Variants in PTPRD observed in about 807,000 individuals in gnomAD.
PTPRD encodes the protein protein tyrosine phosphatase receptor type D.
In PTPRD, 34 loss-of-function variants were observed where a neutral mutation model predicts 214.5. That is an observed-to-expected ratio of 0.16 (90% CI 0.12 to 0.21). PTPRD has a LOEUF of 0.21. PTPRD is among the 10% of genes least tolerant of loss of function. The pLI is 1.00. For synonymous variants in PTPRD, 1,128 were observed against 845.7 expected, an observed-to-expected ratio of 1.33 and a Z score of -5.79; for missense variants, 2,545 against 2,398.7, an observed-to-expected ratio of 1.06 and a Z score of -1.27.
rs535950893 is a variant in PTPRD at position 10,158,974 on chromosome 9, T to G, written c.-544-125184A>C. On this transcript the variant is annotated intron_variant, in intron 3 of 45. Transcript: ENST00000381196. ...TTTCAAAGGAGACCCCAAGTCAGAG[T>G]GGCTGTTCAGCAGCACCATGTTGTA... Among the ~76,000 whole-genome samples the G allele has an allele frequency of 1.4e-4, 21 of 152,176 alleles. No homozygotes were observed. The South Asian group carries it at 3.9e-3, about 29-fold the overall frequency.
intron 36 of PTPRD, among the ~76,000 whole-genome samples, chr9:8,401,010 A>G (rs188623715): frequency 6.6e-6 from 1 of 152,174 alleles, no homozygotes; most frequent in East Asian, 1.9e-4. Flanking sequence ...TGGTTTGTCC[A>G]TTTTCTTTTC....
At chr9:9,140,214 AG>A (rs1463482249) in intron 10 of PTPRD, among the ~76,000 whole-genome samples, 1 of 151,904 alleles carries the variant, frequency 6.6e-6, no homozygotes, top group African/African-American at 2.4e-5. Context: ...AAAAAGAAAA[AG>A]AAAAAAAAGA....
At chr9:9,941,081 C>CA (rs1478035974) in intron 4 of PTPRD, among the ~76,000 whole-genome samples, 12 of 151,928 alleles carry the variant, frequency 7.9e-5, no homozygotes, top group Non-Finnish European at 1.5e-4. Flanking sequence ...AAGAAAATTC[C>CA]AAAAAAATCT....
chr9:8,380,135 A>G (rs2084545691), intron 37 of PTPRD, among the ~76,000 whole-genome samples: 3 of 152,166 alleles, frequency 2.0e-5, no homozygotes, highest in Non-Finnish European at 4.4e-5. Flanking sequence ...AAATGTGAAA[A>G]AAAAGAACAT....
intron 3 of PTPRD, among the ~76,000 whole-genome samples, chr9:10,099,375 G>A (rs1163842253): frequency 6.6e-6 from 1 of 151,496 alleles, no homozygotes; most frequent in African/African-American, 2.4e-5. Context: ...ATATAATAGA[G>A]TCCATTTTCC....
intron 43 of PTPRD, among the ~76,000 whole-genome samples, chr9:8,332,606 A>G (rs1842564982): frequency 6.6e-6 from 1 of 151,910 alleles, no homozygotes; most frequent in Admixed American, 6.5e-5. Context: ...AACTGCTCTG[A>G]CTCACGAAGT....
At chr9:9,810,705 A>G (rs1172977132) in intron 5 of PTPRD, among the ~76,000 whole-genome samples, 1 of 152,184 alleles carries the variant, frequency 6.6e-6, no homozygotes, top group Non-Finnish European at 1.5e-5. Flanking sequence ...AAGGATATCA[A>G]TGTTTTTATG....
At chr9:8,987,788 A>G (rs551343860) in intron 11 of PTPRD, among the ~76,000 whole-genome samples, 1 of 152,278 alleles carries the variant, frequency 6.6e-6, no homozygotes, top group East Asian at 1.9e-4. Context: ...GAAGATAAAC[A>G]AAATTTAAAT....
chr9:9,575,399 T>C (rs938505696), intron 7 of PTPRD, among the ~76,000 whole-genome samples: 1 of 151,998 alleles, frequency 6.6e-6, no homozygotes, highest in Non-Finnish European at 1.5e-5. Context: ...AATACGCCAG[T>C]TAGTTACCAT....
chr9:10,018,692 C>G (rs1199740772), intron 4 of PTPRD, among the ~76,000 whole-genome samples: 1 of 148,388 alleles, frequency 6.7e-6, no homozygotes, highest in Non-Finnish European at 1.5e-5. Flanking sequence ...GGACTACAGG[C>G]GCCCGCCACT....
chr9:10,564,444 A>G (rs1271834226), intron 2 of PTPRD, among the ~76,000 whole-genome samples: 1 of 145,706 alleles, frequency 6.9e-6, no homozygotes, highest in Non-Finnish European at 1.6e-5. Flanking sequence ...GTTGATTAAA[A>G]GAAAAAAAAA....
At chr9:8,835,080 AGTG>A (rs2097385604) in intron 11 of PTPRD, among the ~76,000 whole-genome samples, 1 of 152,246 alleles carries the variant, frequency 6.6e-6, no homozygotes. Context: ...CAGTAAAGAC[AGTG>A]GCATGGATTC....
chr9:8,626,879 C>A (rs2096059958), intron 14 of PTPRD, among the ~76,000 whole-genome samples: 1 of 151,668 alleles, frequency 6.6e-6, no homozygotes, highest in Admixed American at 6.6e-5. Flanking sequence ...ATAATGTCAG[C>A]TAATTTGTTA....
chr9:9,959,166 A>G (rs1432441962), intron 4 of PTPRD, among the ~76,000 whole-genome samples: 1 of 152,210 alleles, frequency 6.6e-6, no homozygotes, highest in Non-Finnish European at 1.5e-5. Context: ...TTATTCAGCA[A>G]TAAAAAGAAA....
chr9:10,588,840 A>T (rs990063278), intron 2 of PTPRD, among the ~76,000 whole-genome samples: 2 of 151,600 alleles, frequency 1.3e-5, no homozygotes, highest in African/African-American at 4.8e-5. Flanking sequence ...CACTGCCTAT[A>T]CTCCCTTTAC....
At chr9:9,101,282 T>C (rs1174937290) in intron 10 of PTPRD, among the ~76,000 whole-genome samples, 1 of 152,154 alleles carries the variant, frequency 6.6e-6, no homozygotes, top group African/African-American at 2.4e-5. Flanking sequence ...GATTCATTGC[T>C]GGAAGAAATT....
chr9:10,017,980 T>A (rs1013871380), intron 4 of PTPRD, among the ~76,000 whole-genome samples: 1 of 152,176 alleles, frequency 6.6e-6, no homozygotes, highest in Admixed American at 6.5e-5. Context: ...ATTCTAGGAC[T>A]TAGCTTCTAC....
chr9:10,250,538 C>A (rs950930383), intron 3 of PTPRD, among the ~76,000 whole-genome samples: 22 of 152,068 alleles, frequency 1.4e-4, no homozygotes, highest in African/African-American at 5.3e-4. Context: ...TAGCAAGAGA[C>A]AAGCAATAAT....
chr9:10,381,842 T>C (rs909028131), intron 2 of PTPRD, among the ~76,000 whole-genome samples: 10 of 151,962 alleles, frequency 6.6e-5, no homozygotes, highest in African/African-American at 2.4e-4. Flanking sequence ...AGTGGCATTA[T>C]TGGAGGATAA....
Sources: allele counts gnomAD v4.1 joint callset (sites outside exome capture counted in the v4.1 genomes callset), GRCh38; gene constraint gnomAD v4.1.1; transcripts MANE v1.5; gene names NCBI Gene and HGNC (gene_info 2026-07-23, HGNC 2026-07-21).